Variants in COBLL1 observed in about 807,000 individuals in gnomAD.
COBLL1 encodes cordon-bleu protein-like 1.
A neutral mutation model predicts 94.8 loss-of-function variants in COBLL1; 50 were observed. The observed-to-expected ratio is 0.53, with a 90% CI of 0.42 to 0.67. The LOEUF is 0.67. Ranked by LOEUF, COBLL1 falls within the 30% of genes least tolerant of loss-of-function variation. The pLI is 0.00. For synonymous variants in COBLL1, 448 were observed against 473.8 expected, an observed-to-expected ratio of 0.95 and a Z score of 0.71; for missense variants, 1,362 against 1,348.7, an observed-to-expected ratio of 1.01 and a Z score of -0.15.
chr2:164,688,206 G>T (rs1452628080), intron 13 of COBLL1, among the ~76,000 whole-genome samples: 1 of 152,000 alleles, frequency 6.6e-6, no homozygotes, highest in Non-Finnish European at 1.5e-5. Flanking sequence ...TATCAAGAAT[G>T]GTTATTTTTG....
downstream of COBLL1, among the ~76,000 whole-genome samples, chr2:164,676,811 G>A (rs1691346728): frequency 6.6e-6 from 1 of 151,808 alleles, no homozygotes; most frequent in South Asian, 2.1e-4. Flanking sequence ...TTATGATTAT[G>A]TCACCTTTCT....
At chr2:164,830,502 T>C (rs1268411773) in intron 2 of COBLL1, among the ~76,000 whole-genome samples, 4 of 152,184 alleles carry the variant, frequency 2.6e-5, no homozygotes, top group Non-Finnish European at 5.9e-5. Flanking sequence ...CCCACATATA[T>C]ATACGAATCT....
chr2:164,701,511 C>T (rs1368856854), intron 9 of COBLL1, among the ~76,000 whole-genome samples: 1 of 152,160 alleles, frequency 6.6e-6, no homozygotes, highest in Admixed American at 6.5e-5. Context: ...AGGCTGATAA[C>T]CATACTCACG....
intron 3 of COBLL1, among the ~76,000 whole-genome samples, chr2:164,731,405 T>G (rs1247233530): frequency 6.6e-6 from 1 of 152,212 alleles, no homozygotes; most frequent in Non-Finnish European, 1.5e-5. Context: ...TGCTTCCCTT[T>G]CCATAGATTC....
At chr2:164,841,937 G>A (rs952844220), upstream of COBLL1, 8 of 1,528,662 alleles carry the variant, frequency 5.2e-6, no homozygotes, top group Non-Finnish European at 7.0e-6. This position sits in a 1 kb window ranked among gnomAD's most constrained non-coding sequence, Gnocchi z 5.5. Flanking sequence ...GGCCTCGCTG[G>A]AGCCCGCTCT....
At chr2:164,679,437 A>G (rs1474486987), downstream of COBLL1, among the ~76,000 whole-genome samples, 1 of 152,100 alleles carries the variant, frequency 6.6e-6, no homozygotes, top group African/African-American at 2.4e-5. Flanking sequence ...AGGAAAAAAA[A>G]ACTTTTTGAA....
At position 164,681,693 on chromosome 2, in the gene COBLL1, T is replaced by C. The variant is rs949117881; in HGVS notation, c.*4253A>G. On this transcript the variant is annotated 3_prime_UTR_variant, in exon 14 of 14. Transcript: ENST00000652658. Reference sequence around the variant, plus strand: ...AGAATAAACTGGGGAGCAAAAAAGTTGCTTCTTTTTGAAAACTATACATTT... The same window carrying C: ...AGAATAAACTGGGGAGCAAAAAAGTCGCTTCTTTTTGAAAACTATACATTT... 5.3e-5 allele frequency: 8 copies of C among 152,224 alleles called. No homozygotes were observed. The highest frequency in any genetic ancestry group is 1.9e-4 in the African/African-American group (8 of 41,458). The allele number at this position is 152,224 out of a possible 1,614,324, so 9.4% of individuals were successfully genotyped here. A position where few individuals can be genotyped will look rare whatever the true frequency, so the allele number is the denominator to read the frequency against.
intron 13 of COBLL1, among the ~76,000 whole-genome samples, chr2:164,690,988 C>T (rs1332222138): frequency 6.6e-6 from 1 of 152,156 alleles, no homozygotes; most frequent in Non-Finnish European, 1.5e-5. Flanking sequence ...ATATTAAAAG[C>T]TATACCAAAT....
chr2:164,812,082 T>C (rs1056612761), intron 2 of COBLL1, among the ~76,000 whole-genome samples: 1 of 152,036 alleles, frequency 6.6e-6, no homozygotes, highest in Admixed American at 6.6e-5. Flanking sequence ...AAATACTTTT[T>C]TTCTGACATC....
chr2:164,685,112 T>C lies in COBLL1; in HGVS notation c.*834A>G, dbSNP rs539698777. The stretch of plus-strand genomic sequence containing the variant: ...AAATAGTCTTTAAAGTTTTTCAATA[T>C]AAACATAAACTAACCCCTATTCCTC... On this transcript the variant is annotated 3_prime_UTR_variant, in exon 14 of 14. Coordinates refer to ENST00000652658, the MANE Select transcript of COBLL1 (RefSeq NM_001365672.2). 8 of 152,286 alleles carry C rather than the reference T, an allele frequency of 5.3e-5. No homozygotes were observed. Among genetic ancestry groups the C allele is most frequent in the East Asian group, 1.9e-4 (1 of 5,190 alleles). 9.4% of individuals were successfully genotyped at this position (152,286 alleles called of 1,614,324 possible).
chr2:164,840,345 G>A (rs1202195650), intron 2 of COBLL1, among the ~76,000 whole-genome samples: 1 of 152,052 alleles, frequency 6.6e-6, no homozygotes, highest in Non-Finnish European at 1.5e-5. Flanking sequence ...AACTCAACTA[G>A]CATCCAGGTT....
chr2:164,790,685 A>C (rs1385286678), intron 2 of COBLL1, among the ~76,000 whole-genome samples: 2 of 152,292 alleles, frequency 1.3e-5, no homozygotes, highest in East Asian at 3.9e-4. Flanking sequence ...GAGCCTCCCT[A>C]TGGAATTGTT....
intron 2 of COBLL1, among the ~76,000 whole-genome samples, chr2:164,833,742 G>A (rs1683196479): frequency 6.6e-6 from 1 of 152,136 alleles, no homozygotes; most frequent in Admixed American, 6.5e-5. Context: ...AAGCCACCGC[G>A]CCAGGCCGAC....
chr2:164,785,261 C>T (rs944280403), intron 2 of COBLL1, among the ~76,000 whole-genome samples: 5 of 152,250 alleles, frequency 3.3e-5, no homozygotes, highest in Admixed American at 1.3e-4. Context: ...TAGTGGCATT[C>T]GCTTGTAGTT....
At chr2:164,710,031 A>AAT (rs1278255258) in intron 7 of COBLL1, among the ~76,000 whole-genome samples, 9 of 152,178 alleles carry the variant, frequency 5.9e-5, no homozygotes, top group African/African-American at 2.2e-4. Flanking sequence ...GAAATAGCTT[A>AAT]ATATATATAT....
chr2:164,735,946 A>G (rs1686281421), intron 3 of COBLL1, among the ~76,000 whole-genome samples: 1 of 152,206 alleles, frequency 6.6e-6, no homozygotes, highest in African/African-American at 2.4e-5. Context: ...TTATTACACC[A>G]CATTGAATTT....
chr2:164,730,378 G>C (rs1004787811), intron 3 of COBLL1, among the ~76,000 whole-genome samples: 15 of 151,028 alleles, frequency 9.9e-5, no homozygotes, highest in African/African-American at 3.6e-4. Flanking sequence ...TGTGCCTGTA[G>C]TCCCACCTAC....
chr2:164,781,794 G>A (rs1559010312), intron 2 of COBLL1, among the ~76,000 whole-genome samples: 1 of 152,032 alleles, frequency 6.6e-6, no homozygotes, highest in Non-Finnish European at 1.5e-5. Flanking sequence ...ACAAAACAAA[G>A]CATAAAGAAA....
At chr2:164,800,674 G>A in intron 2 of COBLL1, 1 of 640,630 alleles carries the variant, frequency 1.6e-6, no homozygotes, top group Non-Finnish European at 2.8e-6. Context: ...ATGGGTGAAT[G>A]GATAAAGAAA....
Sources: gnomAD v4.1 joint callset for allele counts (sites outside exome capture counted in the v4.1 genomes callset) on GRCh38, gnomAD v4.1.1 for gene constraint, Gnocchi (gnomAD v3.1) non-coding constraint, MANE v1.5 for transcripts, NCBI Gene and HGNC (gene_info 2026-07-23, HGNC 2026-07-21) for gene names.